The following LRRC9 variants were observed in gnomAD, a reference collection of about 807,000 sequenced individuals.
LRRC9 encodes leucine-rich repeat-containing protein 9.
A neutral mutation model predicts 63.2 loss-of-function variants in LRRC9; 122 were observed. The ratio of observed to expected loss-of-function variants is 1.93; its 90% confidence interval spans 1.67 to 2.24. The LOEUF (loss-of-function observed/expected upper bound fraction) is 2.24, where lower values mean the gene tolerates loss of function less well. Among genes scored for constraint, LRRC9 ranks in the 30% most tolerant of loss-of-function variants. The pLI is 0.00. For missense variants in LRRC9, 1,071 were observed against 627.7 expected (o/e 1.71, Z -7.55); for synonymous variants, 366 against 213.1 (o/e 1.72, Z -6.25).
At position 60,020,515 on chromosome 14, in the gene LRRC9, AGT is replaced by A. The variant is rs1891038564; in HGVS notation, c.3566+1258_3566+1259del. Among the ~76,000 whole-genome samples, 5 of 152,024 alleles carry A rather than the reference AGT, an allele frequency of 3.3e-5. No individual in the cohort carries two copies. The South Asian group carries it at 1.0e-3, about 31-fold the overall frequency. The stretch of plus-strand genomic sequence containing the variant: ...TAATGTATCATGTTTACTTATATTA[AGT>A]GTATAATTCAATAATTTTACTAAAT... On this transcript the variant is annotated intron_variant, in intron 26 of 31. Transcript: ENST00000445360.
intron 30 of LRRC9, among the ~76,000 whole-genome samples, chr14:60,055,116 A>C (rs1403479046): frequency 3.3e-5 from 5 of 152,178 alleles, no homozygotes; most frequent in Non-Finnish European, 7.3e-5. Flanking sequence ...TGATTAACCA[A>C]AGGGCTTCTA....
chr14:59,956,289 C>T (rs913945433), intron 8 of LRRC9, among the ~76,000 whole-genome samples: 1 of 152,054 alleles, frequency 6.6e-6, no homozygotes. Context: ...TTGTAGATCT[C>T]TAAGATCTTA....
chr14:60,053,087 G>A lies in LRRC9; in HGVS notation c.4013G>A (p.Arg1338His), dbSNP rs758764289. The change falls in exon 30 of 32, where the codon CGC becomes CAC. Residue 1338 changes from arginine (R) to histidine (H), a missense_variant. Coordinates refer to ENST00000445360, the Ensembl canonical transcript of LRRC9. The surrounding 1 kb of genome is among the most constrained non-coding windows in gnomAD (Gnocchi z 4.8). Reference sequence around the variant, plus strand: ...CAGATTTGTAGAAAAATGCTACATCGCCACATGCTTATATTTCGACTGCCT... The same window carrying A: ...CAGATTTGTAGAAAAATGCTACATCACCACATGCTTATATTTCGACTGCCT... The A allele has an allele frequency of 1.9e-5, 13 of 698,358 alleles. No individual in the cohort carries two copies. The highest frequency in any genetic ancestry group is 1.6e-4 in the East Asian group (6 of 37,214). The allele number at this position is 698,358 out of a possible 1,614,324, so 43.3% of individuals were successfully genotyped here.
At chr14:60,052,994 C>G in intron 29 of LRRC9, 71 bp from the exon 30 acceptor site, 1 of 582,362 alleles carries the variant, frequency 1.7e-6, no homozygotes, top group Non-Finnish European at 3.1e-6. Context: ...GCTAAATTTC[C>G]TTCTCTATAC....
intron 29 of LRRC9, among the ~76,000 whole-genome samples, chr14:60,036,256 C>T (rs1400785626): frequency 6.6e-6 from 1 of 152,148 alleles, no homozygotes; most frequent in Non-Finnish European, 1.5e-5. Flanking sequence ...ATTTTGGGGG[C>T]ACATCAGCAT....
downstream of LRRC9, chr14:60,063,585 T>C (rs1054635165): frequency 2.3e-6 from 1 of 434,876 alleles, no homozygotes; most frequent in African/African-American, 2.0e-5. Flanking sequence ...AGTTATTTGT[T>C]TGAATTTCTA....
chr14:60,006,822 C>T (rs908651152), intron 22 of LRRC9: 3 of 353,454 alleles, frequency 8.5e-6, no homozygotes, highest in African/African-American at 6.4e-5. Flanking sequence ...CATTTGCTAT[C>T]CTTCTGGGGT....
intron 29 of LRRC9, among the ~76,000 whole-genome samples, chr14:60,035,129 G>T (rs1473819860): frequency 1.3e-5 from 2 of 151,010 alleles, no homozygotes; most frequent in Non-Finnish European, 3.0e-5. Context: ...AAACCTGTTG[G>T]CCATTTGTAT....
chr14:59,940,878 GTTTGT>G (rs1305690155), intron 7 of LRRC9, among the ~76,000 whole-genome samples: 3 of 152,008 alleles, frequency 2.0e-5, no homozygotes, highest in Admixed American at 2.0e-4. Flanking sequence ...TTTCTTAAAA[GTTTGT>G]TTTAACAGGT....
At chr14:60,032,439 G>A (rs1892068571) in intron 29 of LRRC9, among the ~76,000 whole-genome samples, 1 of 151,692 alleles carries the variant, frequency 6.6e-6, no homozygotes, top group Non-Finnish European at 1.5e-5. Context: ...CACTGCCTTG[G>A]CTATTCTTGG....
intron 17 of LRRC9, among the ~76,000 whole-genome samples, chr14:59,993,639 C>T (rs1316972594): frequency 2.6e-5 from 4 of 151,692 alleles, no homozygotes; most frequent in African/African-American, 7.2e-5. Flanking sequence ...AAATGGAAAA[C>T]AAAAAAAGGC....
intron 15 of LRRC9, among the ~76,000 whole-genome samples, chr14:59,980,510 C>T (rs1050694579): frequency 6.6e-6 from 1 of 152,076 alleles, no homozygotes. Context: ...TTTAGAATAG[C>T]TTGTCAAGCT....
intron 27 of LRRC9, among the ~76,000 whole-genome samples, chr14:60,025,590 A>G (rs567968647): frequency 6.6e-6 from 1 of 151,862 alleles, no homozygotes; most frequent in Admixed American, 6.6e-5. Context: ...CCATTTATGG[A>G]GTCACTAGGC....
chr14:59,931,293 T>C (rs1476195563), intron 4 of LRRC9, among the ~76,000 whole-genome samples: 1 of 152,100 alleles, frequency 6.6e-6, no homozygotes, highest in Non-Finnish European at 1.5e-5. Context: ...TATTCTTTCT[T>C]TGAAGGTTTA....
intron 8 of LRRC9, 48 bp from the exon 9 acceptor site, chr14:59,959,770 G>T: frequency 3.8e-6 from 2 of 530,856 alleles, no homozygotes; most frequent in South Asian, 5.6e-5. Context: ...ACTTTGCCTA[G>T]ACCATGTTTT....
chr14:60,026,264 C>G (rs1247974976), intron 27 of LRRC9, among the ~76,000 whole-genome samples: 1 of 152,060 alleles, frequency 6.6e-6, no homozygotes, highest in Non-Finnish European at 1.5e-5. Context: ...TTCTCTATAT[C>G]CTTGTCAGCA....
At chr14:60,041,928 G>C (rs1378936620) in intron 29 of LRRC9, among the ~76,000 whole-genome samples, 2 of 152,106 alleles carry the variant, frequency 1.3e-5, no homozygotes, top group Non-Finnish European at 2.9e-5. Context: ...ATGGGGTTTT[G>C]GTATGGATGT....
chr14:60,029,389 G>A (rs1184350767), intron 28 of LRRC9, among the ~76,000 whole-genome samples: 1 of 152,026 alleles, frequency 6.6e-6, no homozygotes, highest in Non-Finnish European at 1.5e-5. Context: ...TTATATAGTA[G>A]GGGAGTGTTT....
At chr14:59,991,732 C>T (rs1002446313) in intron 17 of LRRC9, among the ~76,000 whole-genome samples, 1 of 152,162 alleles carries the variant, frequency 6.6e-6, no homozygotes, top group African/African-American at 2.4e-5. Context: ...GCCAAGCAGT[C>T]TGAGATCAAA....
Sources: allele counts gnomAD v4.1 joint callset (sites outside exome capture counted in the v4.1 genomes callset), GRCh38; gene constraint gnomAD v4.1.1; non-coding constraint Gnocchi (gnomAD v3.1); transcripts MANE v1.5; gene names NCBI Gene and HGNC (gene_info 2026-07-23, HGNC 2026-07-21).